Variants in ROBO1 observed in about 807,000 individuals in gnomAD.
The protein encoded by ROBO1 is roundabout homolog 1.
ROBO1 carries 149 observed loss-of-function variants against 195.9 expected under a neutral mutation model. The ratio of observed to expected loss-of-function variants is 0.76; its 90% CI spans 0.67 to 0.87. The LOEUF (loss-of-function observed/expected upper bound fraction) is 0.87, where lower values mean the gene tolerates loss of function less well. Among genes scored for constraint, ROBO1 ranks in the 40% least tolerant of loss-of-function variants. The pLI is 0.00. For synonymous variants in ROBO1, 816 were observed against 733.2 expected, an observed-to-expected ratio of 1.11 and a Z score of -1.82; for missense variants, 1,933 against 2,068.3, an observed-to-expected ratio of 0.93 and a Z score of 1.27.
chr3:79,482,870 T>C (rs1210873117), intron 2 of ROBO1, among the ~76,000 whole-genome samples: 3 of 152,146 alleles, frequency 2.0e-5, no homozygotes, highest in Admixed American at 6.5e-5. Context: ...GTGGAATAAA[T>C]AGTTAATTTT....
At chr3:78,984,994 C>A (rs1192775441) in intron 3 of ROBO1, among the ~76,000 whole-genome samples, 1 of 152,130 alleles carries the variant, frequency 6.6e-6, no homozygotes, top group African/African-American at 2.4e-5. Context: ...TGATGATCAA[C>A]TTCCACTTAA....
chr3:79,516,957 C>T (rs1038588354), intron 2 of ROBO1, among the ~76,000 whole-genome samples: 2 of 152,070 alleles, frequency 1.3e-5, no homozygotes, highest in African/African-American at 4.8e-5. Context: ...GTAGGTGTTC[C>T]CCACACTCTG....
intron 3 of ROBO1, among the ~76,000 whole-genome samples, chr3:79,010,716 C>T (rs1487266058): frequency 6.6e-6 from 1 of 152,084 alleles, no homozygotes; most frequent in Non-Finnish European, 1.5e-5. Flanking sequence ...TCAAATACCA[C>T]AATGAGTTTC....
rs892410584 is a variant in ROBO1, at chr3:78,708,424, C to T, written c.1045+5973G>A. Among the ~76,000 whole-genome samples, 6 of 151,628 alleles carry T rather than the reference C, an allele frequency of 4.0e-5. No homozygotes were observed. The East Asian group carries it at 1.2e-3, about 29-fold the overall frequency. ...TTTTTAAGTATTTTGAAGCTGTATT[C>T]ACCATGCTTTTCCTAAAGTCTACTT... On this transcript the variant is annotated intron_variant, in intron 8 of 30. Transcript: ENST00000464233.
chr3:79,017,648 A>T (rs971311114), intron 3 of ROBO1, among the ~76,000 whole-genome samples: 1 of 152,086 alleles, frequency 6.6e-6, no homozygotes, highest in Non-Finnish European at 1.5e-5. Flanking sequence ...GTGTACTCTT[A>T]TGTCAGAAGG....
At chr3:79,568,681 T>C (rs1378519952) in intron 2 of ROBO1, among the ~76,000 whole-genome samples, 1 of 151,870 alleles carries the variant, frequency 6.6e-6, no homozygotes, top group East Asian at 1.9e-4. Context: ...AGAAAAACAG[T>C]GTTAGAATTC....
At chr3:79,599,061 T>C (rs1403527774) in intron 1 of ROBO1, among the ~76,000 whole-genome samples, 1 of 152,096 alleles carries the variant, frequency 6.6e-6, no homozygotes, top group Non-Finnish European at 1.5e-5. Context: ...CTGGGAGACA[T>C]ATTCTGTGTA....
chr3:79,473,336 A>G (rs2107331889), intron 2 of ROBO1, among the ~76,000 whole-genome samples: 1 of 152,254 alleles, frequency 6.6e-6, no homozygotes, highest in South Asian at 2.1e-4. Flanking sequence ...GGAGAGAGCC[A>G]TGAAGTAAAT....
intron 4 of ROBO1, among the ~76,000 whole-genome samples, chr3:78,784,998 A>C (rs1314508273): frequency 2.0e-5 from 3 of 152,212 alleles, no homozygotes; most frequent in Non-Finnish European, 4.4e-5. Context: ...GCACAAGTAC[A>C]TCCAGCATAT....
chr3:79,150,779 A>G (rs145461299), intron 2 of ROBO1, among the ~76,000 whole-genome samples: 19 of 151,962 alleles, frequency 1.3e-4, no homozygotes, highest in Non-Finnish European at 2.7e-4. Flanking sequence ...TTACATGTCC[A>G]TAAAAGGATA....
chr3:79,351,971 A>C (rs2035360382), intron 2 of ROBO1, among the ~76,000 whole-genome samples: 1 of 152,188 alleles, frequency 6.6e-6, no homozygotes, highest in South Asian at 2.1e-4. Context: ...AATAAAAATA[A>C]GCTAACTGCC....
At position 78,717,785 on chromosome 3, in the gene ROBO1, T is replaced by C; in HGVS notation, c.756A>G (p.Glu252=). The change falls in exon 6 of 31, where the codon GAA becomes GAG. Residue 252 remains glutamate (E), a synonymous_variant. Coordinates refer to ENST00000464233, the MANE Select transcript of ROBO1 (RefSeq NM_002941.4). ...GTNMVGERES[E]VAELTVLERP... is the part of the protein sequence containing the mutation. ...TACCTAAGACAGTCAGCTCGGCTAC[T>C]TCACTCTCACGTTCCCCAACCATAT... 3.7e-6 allele frequency: 6 copies of C among 1,613,684 alleles called. No individual in the cohort carries two copies. The highest frequency in any genetic ancestry group is 4.2e-6 in the Non-Finnish European group (5 of 1,179,724).
At chr3:78,981,445 T>C (rs2076987956) in intron 3 of ROBO1, among the ~76,000 whole-genome samples, 1 of 152,182 alleles carries the variant, frequency 6.6e-6, no homozygotes, top group Non-Finnish European at 1.5e-5. Flanking sequence ...CTGAACTTCT[T>C]GTTTTAATTG....
chr3:78,729,436 C>G (rs2082238681), intron 5 of ROBO1, among the ~76,000 whole-genome samples: 1 of 152,298 alleles, frequency 6.6e-6, no homozygotes, highest in East Asian at 1.9e-4. Context: ...TTAAACACAA[C>G]AATTTTGCTT....
chr3:79,569,458 A>T (rs780986903), intron 2 of ROBO1, among the ~76,000 whole-genome samples: 39 of 152,168 alleles, frequency 2.6e-4, no homozygotes, highest in Non-Finnish European at 4.6e-4. Flanking sequence ...GTGAGATCAT[A>T]GTTGCTATAT....
At chr3:79,165,408 T>C (rs993338689) in intron 2 of ROBO1, among the ~76,000 whole-genome samples, 22 of 152,226 alleles carry the variant, frequency 1.4e-4, no homozygotes, top group African/African-American at 5.3e-4. Context: ...TTTACCTGTT[T>C]GAGATTCTTA....
At chr3:79,414,079 C>T (rs1403595394) in intron 2 of ROBO1, among the ~76,000 whole-genome samples, 2 of 152,000 alleles carry the variant, frequency 1.3e-5, no homozygotes, top group Non-Finnish European at 2.9e-5. Context: ...TGTATAATAG[C>T]TGAAGAGAGG....
intron 2 of ROBO1, among the ~76,000 whole-genome samples, chr3:79,456,097 C>T (rs140457924): frequency 4.3e-4 from 66 of 152,202 alleles, no homozygotes; most frequent in African/African-American, 1.4e-3. Context: ...CCTGACCATA[C>T]GTGTTAGTTT....
chr3:79,083,680 G>A (rs2079316012), intron 3 of ROBO1, among the ~76,000 whole-genome samples: 1 of 152,230 alleles, frequency 6.6e-6, no homozygotes, highest in African/African-American at 2.4e-5. Flanking sequence ...TTTCTTCTAC[G>A]TTGGCCAATC....
Sources: gnomAD v4.1 joint callset for allele counts (sites outside exome capture counted in the v4.1 genomes callset) on GRCh38, gnomAD v4.1.1 for gene constraint, MANE v1.5 for transcripts, NCBI Gene and HGNC (gene_info 2026-07-23, HGNC 2026-07-21) for gene names.